MBOAT2: variants seen among roughly 807,000 people sequenced by gnomAD.
MBOAT2 encodes membrane-bound glycerophospholipid O-acyltransferase 2.
A neutral mutation model predicts 63.4 loss-of-function variants in MBOAT2; 28 were observed. The ratio of observed to expected loss-of-function variants is 0.44; its 90% CI spans 0.33 to 0.61. The LOEUF is 0.61. Among genes scored for constraint, MBOAT2 ranks in the 20% least tolerant of loss-of-function variants. The pLI is 0.03. For synonymous variants in MBOAT2, 211 were observed against 215.6 expected (o/e 0.98, Z 0.19); for missense variants, 470 against 605.8 (o/e 0.78, Z 2.35).
intron 3 of MBOAT2, among the ~76,000 whole-genome samples, chr2:8,936,989 G>A (rs1226147554): frequency 6.6e-6 from 1 of 152,104 alleles, no homozygotes; most frequent in African/African-American, 2.4e-5. Context: ...AATTAGGTAC[G>A]CCTGAAACAC....
intron 11 of MBOAT2, 55 bp from the exon 12 acceptor site, chr2:8,860,819 C>T: frequency 7.5e-7 from 1 of 1,338,224 alleles, no homozygotes; most frequent in Admixed American, 2.1e-5. Context: ...ATTACTTATG[C>T]AGTTACACTG....
At chr2:8,929,907 G>A (rs1252012710) in intron 3 of MBOAT2, among the ~76,000 whole-genome samples, 1 of 152,072 alleles carries the variant, frequency 6.6e-6, no homozygotes, top group Admixed American at 6.5e-5. Context: ...CCTAACATCT[G>A]AATTTGTGCA....
chr2:8,965,450 C>T (rs1558663234), intron 1 of MBOAT2, among the ~76,000 whole-genome samples: 1 of 152,158 alleles, frequency 6.6e-6, no homozygotes, highest in Non-Finnish European at 1.5e-5. Flanking sequence ...CTCCATCTTA[C>T]ACTTTTTTCC....
intron 4 of MBOAT2, among the ~76,000 whole-genome samples, chr2:8,902,502 T>C (rs1262558587): frequency 1.3e-5 from 2 of 152,192 alleles, no homozygotes; most frequent in Non-Finnish European, 2.9e-5. Flanking sequence ...TCTGATGGGT[T>C]CGTGGCCTTG....
chr2:8,905,430 G>C (rs775804786), intron 4 of MBOAT2, among the ~76,000 whole-genome samples: 2 of 152,048 alleles, frequency 1.3e-5, no homozygotes, highest in Non-Finnish European at 2.9e-5. Flanking sequence ...ATCTTTATCA[G>C]TTCACTGATA....
Position 9,003,588 on chromosome 2 carries a change from G to A in MBOAT2, c.27C>T (p.Ser9=). The change falls in exon 1 of 13, where the codon TCC becomes TCT. Residue 9 remains serine (S), a synonymous_variant. Coordinates refer to ENST00000305997, the MANE Select transcript of MBOAT2 (RefSeq NM_138799.4). The surrounding 1 kb of genome is among the most constrained non-coding windows in gnomAD (Gnocchi z 5.4). MATTSTTG[S]TLLQPLSNAV... The stretch of plus-strand genomic sequence containing the variant: ...CGTTGCTGAGGGGCTGCAGCAGGGT[G>A]GAGCCCGTGGTGCTGGTGGTGGCCA... The A allele has an allele frequency of 8.2e-7, 1 of 1,223,522 alleles. No homozygotes were observed. Among genetic ancestry groups the A allele is most frequent in the Non-Finnish European group, 1.0e-6 (1 of 976,398 alleles). The allele number at this position is 1,223,522 out of a possible 1,614,324, so 75.8% of individuals were successfully genotyped here.
intron 4 of MBOAT2, among the ~76,000 whole-genome samples, chr2:8,895,240 T>C (rs971740928): frequency 6.6e-6 from 1 of 152,018 alleles, no homozygotes; most frequent in African/African-American, 2.4e-5. Flanking sequence ...TACAGAGTGC[T>C]GATAGGTCCA....
intron 1 of MBOAT2, among the ~76,000 whole-genome samples, chr2:8,987,667 AT>A (rs1167652833): frequency 6.6e-6 from 1 of 152,188 alleles, no homozygotes; most frequent in Non-Finnish European, 1.5e-5. Context: ...CAGACAGTGG[AT>A]GCTGGCTGTC....
At chr2:8,997,972 T>C (rs2103382137) in intron 1 of MBOAT2, among the ~76,000 whole-genome samples, 1 of 152,356 alleles carries the variant, frequency 6.6e-6, no homozygotes, top group East Asian at 1.9e-4. Context: ...TCAACTCTCT[T>C]TACTATTGAA....
chr2:8,886,158 G>A (rs778180514), intron 5 of MBOAT2, among the ~76,000 whole-genome samples: 28 of 152,318 alleles, frequency 1.8e-4, no homozygotes, highest in Non-Finnish European at 3.4e-4. Context: ...GGTGCTGAGC[G>A]TCTAAAGAGC....
In MBOAT2 at chr2:8,917,999, A is replaced by G. The variant is rs76053164; in HGVS notation, c.300-9283T>C. On this transcript the variant is annotated intron_variant, in intron 3 of 12. Coordinates refer to ENST00000305997, the MANE Select transcript of MBOAT2 (RefSeq NM_138799.4). ...TTACATAATGTATGATTCCGTTGCT[A>G]TGAAATTCTAGAGCAGGCTAAATTG... 3.4e-3 allele frequency among the ~76,000 whole-genome samples: 523 copies of G among 152,360 alleles called. 1 individual carries two copies. The highest frequency in any genetic ancestry group is 0.012 in the African/African-American group (487 of 41,590).
intron 1 of MBOAT2, 40 bp from the exon 2 acceptor site, chr2:8,958,682 C>G (rs1177696107): frequency 1.3e-5 from 19 of 1,469,766 alleles, no homozygotes; most frequent in Non-Finnish European, 1.6e-5. Context: ...GCAACACAGA[C>G]CTGAATTTTT....
chr2:8,863,720 T>C (rs1661656163), intron 10 of MBOAT2, among the ~76,000 whole-genome samples: 1 of 152,210 alleles, frequency 6.6e-6, no homozygotes, highest in Admixed American at 6.5e-5. Flanking sequence ...AGCTGAGTCT[T>C]TTTATCTTAC....
chr2:8,870,491 G>A (rs1335405553), intron 8 of MBOAT2, among the ~76,000 whole-genome samples: 2 of 152,030 alleles, frequency 1.3e-5, no homozygotes, highest in Non-Finnish European at 2.9e-5. Flanking sequence ...GGAACTCTTG[G>A]ACTTCCCAAA....
chr2:8,940,162 C>T lies in MBOAT2; in HGVS notation c.299+3025G>A, dbSNP rs181535851. Reference sequence around the variant, plus strand: ...ACAATCAGCCCCCTCTTCCCTTCTACGTCTTAACGGGGGATAGAAAACAAG... The same window carrying T: ...ACAATCAGCCCCCTCTTCCCTTCTATGTCTTAACGGGGGATAGAAAACAAG... On this transcript the variant is annotated intron_variant, in intron 3 of 12. Transcript: ENST00000305997. Among the ~76,000 whole-genome samples, 9 of 152,142 alleles carry T rather than the reference C, an allele frequency of 5.9e-5. No individual in the cohort carries two copies. The East Asian group carries it at 1.5e-3, about 26-fold the overall frequency.
intron 3 of MBOAT2, among the ~76,000 whole-genome samples, chr2:8,916,036 C>G (rs532598227): frequency 6.6e-6 from 1 of 152,182 alleles, no homozygotes; most frequent in African/African-American, 2.4e-5. Flanking sequence ...TTTGGAAAGG[C>G]CTTTCTTACT....
chr2:8,915,468 G>C (rs536307701), intron 3 of MBOAT2, among the ~76,000 whole-genome samples: 2 of 152,128 alleles, frequency 1.3e-5, no homozygotes, highest in Admixed American at 1.3e-4. Flanking sequence ...TAATGACATT[G>C]TTGAGCTGCT....
intron 1 of MBOAT2, among the ~76,000 whole-genome samples, chr2:8,972,373 T>C (rs1670515942): frequency 6.6e-6 from 1 of 152,164 alleles, no homozygotes; most frequent in Admixed American, 6.6e-5. Flanking sequence ...TAATTCAAGA[T>C]GGATTAAAGA....
At chr2:8,937,017 T>C (rs1667718135) in intron 3 of MBOAT2, among the ~76,000 whole-genome samples, 1 of 152,170 alleles carries the variant, frequency 6.6e-6, no homozygotes, top group Non-Finnish European at 1.5e-5. Context: ...TTCCCCTTCT[T>C]CCACAGCCTA....
Sources: allele counts gnomAD v4.1 joint callset (sites outside exome capture counted in the v4.1 genomes callset), GRCh38; gene constraint gnomAD v4.1.1; non-coding constraint Gnocchi (gnomAD v3.1); transcripts MANE v1.5; gene names NCBI Gene and HGNC (gene_info 2026-07-23, HGNC 2026-07-21).